Variants in TUB observed in about 807,000 individuals in gnomAD.
The protein encoded by TUB is tubby protein homolog.
Under a neutral mutation model 59.7 loss-of-function variants are expected in TUB, and 33 were observed. The observed-to-expected ratio is 0.55, with a 90% confidence interval of 0.42 to 0.74. The LOEUF is 0.74. Ranked by LOEUF, TUB falls within the 30% of genes least tolerant of loss-of-function variation. TUB has a pLI of 0.00. For synonymous variants in TUB, 293 were observed against 256.4 expected (o/e 1.14, Z -1.36); for missense variants, 659 against 672.0 (o/e 0.98, Z 0.21).
chr11:8,099,292 G>A (rs899730128), intron 9 of TUB, among the ~76,000 whole-genome samples: 5 of 152,096 alleles, frequency 3.3e-5, no homozygotes, highest in African/African-American at 1.2e-4. Flanking sequence ...TATAGATGAG[G>A]AAACTGAAGC....
intron 1 of TUB, among the ~76,000 whole-genome samples, chr11:8,020,890 C>A (rs1370897926): frequency 6.6e-6 from 1 of 152,090 alleles, no homozygotes; most frequent in Non-Finnish European, 1.5e-5. Context: ...ATATCCTGGG[C>A]CCTGGAAATA....
chr11:8,095,349 C>A, intron 4 of TUB, 149 bp from the exon 5 acceptor site: 1 of 728,800 alleles, frequency 1.4e-6, no homozygotes, highest in Non-Finnish European at 2.2e-6. Context: ...CAGGCTGGTG[C>A]AATCATTAGT....
At position 8,103,482 on chromosome 11, in the gene TUB, C is replaced by G. The variant is rs1435041472; in HGVS notation, c.*1863C>G. On this transcript the variant is annotated 3_prime_UTR_variant, in exon 12 of 12. Transcript: ENST00000299506. Reference sequence around the variant, plus strand: ...AAGTAGAAGTAATATGCTCTCATTTCTTTGTAATCTAGATTTTCCTATGTT... The same window carrying G: ...AAGTAGAAGTAATATGCTCTCATTTGTTTGTAATCTAGATTTTCCTATGTT... 1.3e-5 allele frequency: 2 copies of G among 152,536 alleles called. No individual in the cohort carries two copies. Among genetic ancestry groups the G allele is most frequent in the Admixed American group, 1.3e-4 (2 of 15,270 alleles). 9.4% of individuals were successfully genotyped at this position (152,536 alleles called of 1,614,324 possible). A position where few individuals can be genotyped will look rare whatever the true frequency, so the allele number is the denominator to read the frequency against.
rs149417132 is a variant in TUB, at chr11:8,022,615, C to T, written c.56+3257C>T. 7.4e-3 allele frequency among the ~76,000 whole-genome samples: 1,128 copies of T among 152,286 alleles called. 13 individuals carry two copies. Among genetic ancestry groups the T allele is most frequent in the African/African-American group, 0.023 (949 of 41,560 alleles). On this transcript the variant is annotated intron_variant, in intron 1 of 11. Transcript: ENST00000534099. ...TAAAATAACAACTGTTTTGGCCAGGCGCGGTGGCTCAGGCCTGTAATCCCA... is the reference window on the plus strand; with the variant it reads ...TAAAATAACAACTGTTTTGGCCAGGTGCGGTGGCTCAGGCCTGTAATCCCA...
rs750289072 is a variant in TUB, at chr11:8,089,679, C to T, written c.90+18C>T. Reference sequence around the variant, plus strand: ...ATCGGCAGGTGAGTAGGCCTGGGGCCGGGTAGAAGGGAAGAGTCTGGGCTG... The same window carrying T: ...ATCGGCAGGTGAGTAGGCCTGGGGCTGGGTAGAAGGGAAGAGTCTGGGCTG... On this transcript the variant is annotated intron_variant, in intron 2 of 11. Coordinates refer to ENST00000299506, the MANE Select transcript of TUB (RefSeq NM_177972.3). The T allele has an allele frequency of 1.2e-6, 2 of 1,614,032 alleles. No homozygotes were observed. Among genetic ancestry groups the T allele is most frequent in the East Asian group, 2.2e-5 (1 of 44,870 alleles).
rs1944319426 is a variant in TUB at position 8,101,800 on chromosome 11, G to A, written c.*181G>A. On this transcript the variant is annotated 3_prime_UTR_variant, in exon 12 of 12. Coordinates refer to ENST00000299506, the MANE Select transcript of TUB (RefSeq NM_177972.3). ...TCCTTTGCCTCTGCTACTGAGGCAG[G>A]GGAGTAGTGGAGAGCGGGTGGGTGG... 37 of 1,104,214 alleles carry A rather than the reference G, an allele frequency of 3.4e-5. No homozygotes were observed. Among genetic ancestry groups the A allele is most frequent in the Non-Finnish European group, 4.3e-5 (34 of 798,168 alleles). 68.4% of individuals were successfully genotyped at this position (1,104,214 alleles called of 1,614,324 possible).
rs565801812 is a variant in TUB at position 8,097,986 on chromosome 11, A to G, written c.998+160A>G. 3.4e-3 allele frequency among the ~76,000 whole-genome samples: 515 copies of G among 152,278 alleles called. 2 individuals carry two copies. Among genetic ancestry groups the G allele is most frequent in the African/African-American group, 0.011 (468 of 41,560 alleles). On this transcript the variant is annotated intron_variant, in intron 8 of 11. Transcript: ENST00000299506. ...CACATCCAACTGGAGGCCTATGTCT[A>G]TGCCAGCCTAGAGCCAGACTTGGAG...
At chr11:8,063,891 T>A (rs1004925847) in intron 2 of TUB, among the ~76,000 whole-genome samples, 1 of 152,240 alleles carries the variant, frequency 6.6e-6, no homozygotes, top group African/African-American at 2.4e-5. Context: ...TTTATTTACT[T>A]TCTTTTTTCT....
At chr11:8,037,959 G>C (rs36207116), upstream of TUB, among the ~76,000 whole-genome samples, 1,600 of 152,282 alleles carry the variant, frequency 0.011, 29 homozygotes, top group African/African-American at 0.036. Context: ...CTCAGAAGTG[G>C]CTCTAGGGAA....
rs536991864 is a variant in TUB, at chr11:8,050,436, C to G, written c.203+10744C>G. On this transcript the variant is annotated intron_variant, in intron 2 of 12. Transcript: ENST00000305253. ...TGTTGTACCAGTACACTTTCACCAGCAATATATGAATCCCAGCTGTCCCAT... is the reference window on the plus strand; with the variant it reads ...TGTTGTACCAGTACACTTTCACCAGGAATATATGAATCCCAGCTGTCCCAT... Among the ~76,000 whole-genome samples the G allele has an allele frequency of 2.6e-5, 4 of 152,292 alleles. No individual in the cohort carries two copies. In the South Asian group the frequency reaches 8.3e-4, roughly 32 times the overall value.
chr11:8,038,004 A>G (rs1438910593), upstream of TUB, among the ~76,000 whole-genome samples: 1 of 152,172 alleles, frequency 6.6e-6, no homozygotes, highest in East Asian at 1.9e-4. Flanking sequence ...TGCTCAGTAG[A>G]TGGCATGAGC....
chr11:8,020,281 G>C (rs984694994), intron 1 of TUB, among the ~76,000 whole-genome samples: 27 of 151,960 alleles, frequency 1.8e-4, no homozygotes, highest in Non-Finnish European at 3.5e-4. Flanking sequence ...GTGAGGGCTG[G>C]AAGACAAACT....
In TUB at chr11:8,041,424, G is replaced by A. The variant is rs114368459; in HGVS notation, c.203+1732G>A. On this transcript the variant is annotated intron_variant, in intron 2 of 12. Transcript: ENST00000305253. The stretch of plus-strand genomic sequence containing the variant: ...GGGCTGACTTATCTCCGTAGGTTTG[G>A]AATAGTCATAATTAATGGCAAAGTT... 1.4e-3 allele frequency among the ~76,000 whole-genome samples: 210 copies of A among 152,274 alleles called. 1 individual carries two copies. Among genetic ancestry groups the A allele is most frequent in the African/African-American group, 4.8e-3 (199 of 41,534 alleles).
intron 1 of TUB, among the ~76,000 whole-genome samples, chr11:8,027,666 C>T (rs934857541): frequency 3.3e-5 from 5 of 152,192 alleles, no homozygotes; most frequent in South Asian, 2.1e-4. Flanking sequence ...AGGTACCCAC[C>T]ACAACGCCTG....
intron 5 of TUB, among the ~76,000 whole-genome samples, chr11:8,096,279 A>G (rs895436558): frequency 3.3e-5 from 5 of 152,228 alleles, no homozygotes; most frequent in Admixed American, 1.3e-4. Flanking sequence ...TCCGTGGTCT[A>G]TGCCAGCCAA....
At chr11:8,101,189 G>A (rs1944284111) in intron 11 of TUB, among the ~76,000 whole-genome samples, 192 bp downstream of exon 11, 1 of 152,116 alleles carries the variant, frequency 6.6e-6, no homozygotes, top group East Asian at 1.9e-4. Flanking sequence ...TGCAGCCCTG[G>A]TCCTAGATTC....
intron 2 of TUB, among the ~76,000 whole-genome samples, chr11:8,044,324 A>G (rs1268145135): frequency 2.0e-5 from 3 of 152,168 alleles, no homozygotes; most frequent in African/African-American, 7.2e-5. Flanking sequence ...TGCAGTGTCT[A>G]ATTCCATGAA....
chr11:8,038,513 C>G, upstream of TUB: 1 of 748,682 alleles, frequency 1.3e-6, no homozygotes, highest in Non-Finnish European at 1.7e-6. Context: ...GGCCTTTGTC[C>G]GCAGTGCACT....
chr11:8,042,382 TG>T (rs1942766275), intron 2 of TUB, among the ~76,000 whole-genome samples: 1 of 152,246 alleles, frequency 6.6e-6, no homozygotes, highest in Non-Finnish European at 1.5e-5. Context: ...CATCAATTGA[TG>T]AACATTTGGG....
Sources: allele counts gnomAD v4.1 joint callset (sites outside exome capture counted in the v4.1 genomes callset), GRCh38; gene constraint gnomAD v4.1.1; transcripts MANE v1.5; gene names NCBI Gene and HGNC (gene_info 2026-07-23, HGNC 2026-07-21).